ATP6V1C2: variants seen among roughly 807,000 people sequenced by gnomAD.
The protein encoded by ATP6V1C2 is V-type proton ATPase subunit C 2.
A neutral mutation model predicts 56.8 loss-of-function variants in ATP6V1C2; 45 were observed. That is an observed-to-expected ratio of 0.79 (90% confidence interval 0.62 to 1.02). ATP6V1C2 has a LOEUF of 1.02. ATP6V1C2 is among the 50% of genes least tolerant of loss of function. The pLI is 0.00. For synonymous variants in ATP6V1C2, 220 were observed against 201.3 expected, an observed-to-expected ratio of 1.09 and a Z score of -0.79; for missense variants, 463 against 519.7, an observed-to-expected ratio of 0.89 and a Z score of 1.06.
intron 3 of ATP6V1C2, among the ~76,000 whole-genome samples, chr2:10,751,573 T>C (rs1443885397): frequency 6.6e-6 from 1 of 152,106 alleles, no homozygotes. Context: ...TGGGCTACAG[T>C]GACGGTAAAG....
Position 10,785,029 on chromosome 2 carries a change from C to A in ATP6V1C2, c.*1766C>A. 6.4e-7 allele frequency: 1 copy of A among 1,570,144 alleles called. No individual in the cohort carries two copies. Among genetic ancestry groups the A allele is most frequent in the African/African-American group, 1.4e-5 (1 of 73,990 alleles). On this transcript the variant is annotated 3_prime_UTR_variant, in exon 14 of 14. Coordinates refer to ENST00000272238, the MANE Select transcript of ATP6V1C2 (RefSeq NM_001039362.2). The stretch of plus-strand genomic sequence containing the variant: ...GTGGAGCCACGCCCAAAAGAGAGCT[C>A]CCTTAGGGAAAAATGACCAAAACAC...
intron 12 of ATP6V1C2, among the ~76,000 whole-genome samples, chr2:10,779,427 A>AT (rs1558428897): frequency 2.3e-3 from 245 of 107,536 alleles, no homozygotes; most frequent in Middle Eastern, 0.01. Context: ...ATAAAAAAAA[A>AT]AATATATATA....
intron 6 of ATP6V1C2, among the ~76,000 whole-genome samples, chr2:10,770,791 G>C (rs909334174): frequency 6.6e-6 from 1 of 152,244 alleles, no homozygotes. Context: ...CCTCCTCTGC[G>C]CTCTCTTTTC....
At chr2:10,730,940 A>C (rs1239757849) in intron 3 of ATP6V1C2, among the ~76,000 whole-genome samples, 2 of 151,700 alleles carry the variant, frequency 1.3e-5, no homozygotes, top group Non-Finnish European at 2.9e-5. Context: ...GGCATGAGCC[A>C]CTGCGCCCTG....
intron 3 of ATP6V1C2, among the ~76,000 whole-genome samples, chr2:10,736,597 A>C (rs371895494): frequency 6.6e-5 from 10 of 152,222 alleles, no homozygotes; most frequent in Admixed American, 2.0e-4. Flanking sequence ...CTAATAGTTT[A>C]ACTTCTGCAT....
At chr2:10,728,794 A>AAT (rs1331333999) in intron 3 of ATP6V1C2, among the ~76,000 whole-genome samples, 2 of 146,794 alleles carry the variant, frequency 1.4e-5, no homozygotes, top group African/African-American at 5.1e-5. Context: ...AAAAAAAAAA[A>AAT]GTGTATGAGG....
Position 10,721,751 on chromosome 2 carries a change from CGGGGACCCGAGGCAGGGGCGGGGT to C in ATP6V1C2, c.-27+27_-27+50del, listed in dbSNP as rs1310430849. 2.0e-5 allele frequency: 3 copies of C among 152,234 alleles called. No homozygotes were observed. Among genetic ancestry groups the C allele is most frequent in the East Asian group, 2.0e-4 (1 of 5,126 alleles). The allele number at this position is 152,234 out of a possible 1,614,324, so 9.4% of individuals were successfully genotyped here. ...CTCCCGGTAAGGACGCACCGCGGAG[CGGGGACCCGAGGCAGGGGCGGGGT>C]GGGGACACAGGCACGGGGTCCGGCT... On this transcript the variant is annotated intron_variant, in intron 1 of 13. Coordinates refer to ENST00000272238, the MANE Select transcript of ATP6V1C2 (RefSeq NM_001039362.2).
At chr2:10,749,130 C>CAA (rs56095492) in intron 3 of ATP6V1C2, among the ~76,000 whole-genome samples, 6 of 94,770 alleles carry the variant, frequency 6.3e-5, no homozygotes, top group African/African-American at 1.1e-4. Flanking sequence ...AACTCCGTCT[C>CAA]AAAAAAAAAA....
At chr2:10,774,748 C>T (rs1463610271) in intron 8 of ATP6V1C2, 40 bp from the exon 9 acceptor site, 1 of 1,582,770 alleles carries the variant, frequency 6.3e-7, no homozygotes, top group South Asian at 1.1e-5. Context: ...CGCACAAGGC[C>T]TAGCAGTGAG....
At chr2:10,760,349 C>T (rs1198863) in intron 4 of ATP6V1C2, among the ~76,000 whole-genome samples, 71,269 of 150,992 alleles carry the variant, frequency 0.47, 18,136 homozygotes, top group African/African-American at 0.67. Flanking sequence ...CCAGCCTGGG[C>T]GACAGAACGA....
chr2:10,736,770 T>C (rs902314641), intron 3 of ATP6V1C2, among the ~76,000 whole-genome samples: 3 of 150,568 alleles, frequency 2.0e-5, no homozygotes, highest in South Asian at 2.1e-4. Context: ...TGATATGTGG[T>C]ATTTTCATTA....
Position 10,754,426 on chromosome 2 carries a change from A to G in ATP6V1C2, c.283+360A>G, listed in dbSNP as rs2148459924. ...TTTTTAGTAGAGATGGAGTTTCACC[A>G]TGTTGGCCAGGCTGGCCTCAAGCTC... On this transcript the variant is annotated intron_variant, in intron 4 of 13. Transcript: ENST00000272238. Among the ~76,000 whole-genome samples, 3 of 152,034 alleles carry G rather than the reference A, an allele frequency of 2.0e-5. No homozygotes were observed. The Middle Eastern group carries it at 0.01, about 517-fold the overall frequency.
intron 3 of ATP6V1C2, among the ~76,000 whole-genome samples, chr2:10,749,436 G>T (rs1013347589): frequency 5.9e-5 from 9 of 152,136 alleles, no homozygotes; most frequent in African/African-American, 2.2e-4. Flanking sequence ...AGTCAAACAT[G>T]AGAAAAGATG....
rs1665603064 is a variant in ATP6V1C2 at position 10,784,474 on chromosome 2, A to AT, written c.*1211_*1212insT. 5.1e-6 allele frequency: 3 copies of AT among 586,200 alleles called. No homozygotes were observed. Among genetic ancestry groups the AT allele is most frequent in the Non-Finnish European group, 5.9e-6 (2 of 337,040 alleles). 36.3% of individuals were successfully genotyped at this position (586,200 alleles called of 1,614,324 possible). On this transcript the variant is annotated 3_prime_UTR_variant, in exon 14 of 14. Coordinates refer to ENST00000272238, the MANE Select transcript of ATP6V1C2 (RefSeq NM_001039362.2). ...GTCTGACTCCTACCCTGACCTTCGTACCTATGATTATACGGATGGAAAAGC... is the reference window on the plus strand; with the variant it reads ...GTCTGACTCCTACCCTGACCTTCGTATCCTATGATTATACGGATGGAAAAGC...
At chr2:10,742,961 C>A (rs749783818) in intron 3 of ATP6V1C2, among the ~76,000 whole-genome samples, 4 of 152,176 alleles carry the variant, frequency 2.6e-5, no homozygotes, top group Non-Finnish European at 5.9e-5. Context: ...TGCCTCACAC[C>A]TGGGCAATGC....
chr2:10,783,419 G>A lies in ATP6V1C2; in HGVS notation c.*156G>A, dbSNP rs1665517773. On this transcript the variant is annotated 3_prime_UTR_variant, in exon 14 of 14. Transcript: ENST00000272238. Reference sequence around the variant, plus strand: ...GTGACAGTTGTATTTATTTTTTTAAGTTACAATAAAATGCTCTCAAGTCCT... The same window carrying A: ...GTGACAGTTGTATTTATTTTTTTAAATTACAATAAAATGCTCTCAAGTCCT... 1 of 516,522 alleles carries A rather than the reference G, an allele frequency of 1.9e-6. No individual in the cohort carries two copies. Among genetic ancestry groups the A allele is most frequent in the African/African-American group, 2.0e-5 (1 of 50,998 alleles). 32.0% of individuals were successfully genotyped at this position (516,522 alleles called of 1,614,324 possible).
upstream of ATP6V1C2, chr2:10,721,011 G>GCCCCCCCC (rs377253459): frequency 6.6e-6 from 1 of 151,996 alleles, no homozygotes; most frequent in African/African-American, 2.4e-5. Context: ...AGTTGTAACC[G>GCCCCCCCC]CCCCCCCACC....
Position 10,783,711 on chromosome 2 carries a change from A to C in ATP6V1C2, c.*448A>C, listed in dbSNP as rs1303281631. On this transcript the variant is annotated 3_prime_UTR_variant, in exon 14 of 14. Transcript: ENST00000272238. ...GTAAAATCTCTGTTGTGGTGGGCAT[A>C]GGTGGCACCATCTAAAGAAAAGAGG... The C allele has an allele frequency of 6.2e-6, 1 of 160,426 alleles. No homozygotes were observed. Among genetic ancestry groups the C allele is most frequent in the East Asian group, 1.9e-4 (1 of 5,380 alleles). The allele number at this position is 160,426 out of a possible 1,614,324, so 9.9% of individuals were successfully genotyped here. A position where few individuals can be genotyped will look rare whatever the true frequency, so the allele number is the denominator to read the frequency against.
Position 10,784,034 on chromosome 2 carries a change from A to T in ATP6V1C2, c.*771A>T. 2.6e-6 allele frequency: 1 copy of T among 383,444 alleles called. No homozygotes were observed. Among genetic ancestry groups the T allele is most frequent in the Non-Finnish European group, 4.6e-6 (1 of 215,360 alleles). The allele number at this position is 383,444 out of a possible 1,614,324, so 23.8% of individuals were successfully genotyped here. A position where few individuals can be genotyped will look rare whatever the true frequency, so the allele number is the denominator to read the frequency against. ...TTTCTTCAAAATATTATGTGACAGA[A>T]TACGACTCAATTCACCGGCTACAAC... On this transcript the variant is annotated 3_prime_UTR_variant, in exon 14 of 14. Coordinates refer to ENST00000272238, the MANE Select transcript of ATP6V1C2 (RefSeq NM_001039362.2).
Sources: allele counts gnomAD v4.1 joint callset (sites outside exome capture counted in the v4.1 genomes callset), GRCh38; gene constraint gnomAD v4.1.1; transcripts MANE v1.5; gene names NCBI Gene and HGNC (gene_info 2026-07-23, HGNC 2026-07-21).